The following CFAP77 variants were observed in gnomAD, a reference collection of about 807,000 sequenced individuals.
CFAP77 encodes the protein cilia and flagella associated protein 77.
A neutral mutation model predicts 31.1 loss-of-function variants in CFAP77; 25 were observed. The ratio of observed to expected loss-of-function variants is 0.80; its 90% CI spans 0.59 to 1.12. The LOEUF (loss-of-function observed/expected upper bound fraction) is 1.12, where lower values mean the gene tolerates loss of function less well. Ranked by LOEUF, CFAP77 falls within the 50% of genes most tolerant of loss-of-function variation. The pLI, the probability that CFAP77 is intolerant of heterozygous loss-of-function variation, is 0.00. For missense variants in CFAP77, 377 were observed against 397.3 expected (o/e 0.95, Z 0.44); for synonymous variants, 151 against 159.9 (o/e 0.94, Z 0.42).
At chr9:132,435,823 T>TTTGGTG (rs1850496437) in intron 1 of CFAP77, among the ~76,000 whole-genome samples, 1 of 152,198 alleles carries the variant, frequency 6.6e-6, no homozygotes, top group Non-Finnish European at 1.5e-5. Context: ...TTCTAGAATG[T>TTTGGTG]TTGGTGATGT....
intron 1 of CFAP77, among the ~76,000 whole-genome samples, chr9:132,489,455 G>A (rs557455063): frequency 6.6e-6 from 1 of 152,306 alleles, no homozygotes; most frequent in East Asian, 1.9e-4. Context: ...TGTTGGACAA[G>A]TGTGAACCTC....
intron 5 of CFAP77, among the ~76,000 whole-genome samples, chr9:132,550,532 T>A (rs1852806761): frequency 6.8e-6 from 1 of 147,312 alleles, no homozygotes; most frequent in Non-Finnish European, 1.5e-5. Context: ...TTTTTTTTTT[T>A]TTTTTTTTTT....
intron 1 of CFAP77, among the ~76,000 whole-genome samples, chr9:132,451,338 TAAAA>T (rs34713934): frequency 1.5e-5 from 2 of 131,344 alleles, no homozygotes; most frequent in Admixed American, 7.7e-5. Flanking sequence ...AACTCCATCT[TAAAA>T]AAAAAAAAAA....
At position 132,424,048 on chromosome 9, in the gene CFAP77, C is replaced by T. The variant is rs1381156604; in HGVS notation, c.195+13582C>T. Among the ~76,000 whole-genome samples the T allele has an allele frequency of 6.6e-6, 1 of 152,154 alleles. No homozygotes were observed. Among genetic ancestry groups the T allele is most frequent in the East Asian group, 1.9e-4 (1 of 5,196 alleles). On this transcript the variant is annotated intron_variant, in intron 1 of 5. Transcript: ENST00000393216. This position sits in a 1 kb window ranked among gnomAD's most constrained non-coding sequence, Gnocchi z 4.1. Reference sequence around the variant, plus strand: ...GAAAATTCACATCACACACGTGCACCTACGGCCAGAAGTTGACTGCACAAG... The same window carrying T: ...GAAAATTCACATCACACACGTGCACTTACGGCCAGAAGTTGACTGCACAAG...
At position 132,564,940 on chromosome 9, in the gene CFAP77, G is replaced by A. The variant is rs974107921; in HGVS notation, c.733-7448G>A. ...TCAGCTCTGCCCAGGACTCACGGGAGACCTGGGAGGGTCACTTCTCACCTT... is the reference window on the plus strand; with the variant it reads ...TCAGCTCTGCCCAGGACTCACGGGAAACCTGGGAGGGTCACTTCTCACCTT... On this transcript the variant is annotated intron_variant, in intron 5 of 5. Coordinates refer to ENST00000393216, the MANE Select transcript of CFAP77 (RefSeq NM_001282957.2). This position sits in a 1 kb window ranked among gnomAD's most constrained non-coding sequence, Gnocchi z 4.6. Among the ~76,000 whole-genome samples the A allele has an allele frequency of 1.3e-5, 2 of 152,146 alleles. No homozygotes were observed. Among genetic ancestry groups the A allele is most frequent in the Non-Finnish European group, 2.9e-5 (2 of 68,024 alleles).
chr9:132,543,080 C>T, intron 5 of CFAP77, 33 bp downstream of exon 5: 1 of 1,574,944 alleles, frequency 6.3e-7, no homozygotes. Flanking sequence ...CCCCTCCCTG[C>T]ACCTTGCTGG....
intron 1 of CFAP77, among the ~76,000 whole-genome samples, chr9:132,469,512 C>T (rs923522901): frequency 1.7e-4 from 26 of 152,204 alleles, no homozygotes; most frequent in Admixed American, 9.8e-4. Flanking sequence ...GAAAATACCA[C>T]GGCAGCTGAA....
intron 1 of CFAP77, among the ~76,000 whole-genome samples, chr9:132,483,500 G>A (rs1851486399): frequency 2.6e-5 from 4 of 152,086 alleles, no homozygotes; most frequent in South Asian, 4.2e-4. Flanking sequence ...CGAGGCTGAC[G>A]CGAACTGACA....
intron 1 of CFAP77, among the ~76,000 whole-genome samples, chr9:132,446,672 C>T (rs781140977): frequency 1.9e-4 from 27 of 142,730 alleles, no homozygotes; most frequent in Non-Finnish European, 3.0e-4. Flanking sequence ...ACCCAGGAGG[C>T]GGAGCTTGCA....
chr9:132,428,768 C>T (rs1295201028), intron 1 of CFAP77, among the ~76,000 whole-genome samples: 2 of 152,002 alleles, frequency 1.3e-5, no homozygotes, highest in East Asian at 3.9e-4. Context: ...CTAGGGAACA[C>T]ACCCAGGTCC....
rs371207355 is a variant in CFAP77, at chr9:132,502,408, G to A, written c.524+2808G>A. Among the ~76,000 whole-genome samples, 10 of 151,910 alleles carry A rather than the reference G, an allele frequency of 6.6e-5. No homozygotes were observed. The East Asian group carries it at 9.7e-4, about 15-fold the overall frequency. On this transcript the variant is annotated intron_variant, in intron 3 of 5. Coordinates refer to ENST00000393216, the MANE Select transcript of CFAP77 (RefSeq NM_001282957.2). Reference sequence around the variant, plus strand: ...ATTCAGTGGGAATCATTACATTCACGTCGTTGTGTGACCGTCACCACCATC... The same window carrying A: ...ATTCAGTGGGAATCATTACATTCACATCGTTGTGTGACCGTCACCACCATC...
intron 1 of CFAP77, among the ~76,000 whole-genome samples, chr9:132,451,794 TTC>T (rs1199059327): frequency 2.6e-5 from 4 of 151,120 alleles, no homozygotes; most frequent in Non-Finnish European, 5.9e-5. Flanking sequence ...ATTTTCTTTT[TTC>T]TTTTTCTTTT....
At position 132,499,637 on chromosome 9, in the gene CFAP77, G is replaced by C. The variant is rs764368771; in HGVS notation, c.524+37G>C. The C allele has an allele frequency of 1.2e-5, 19 of 1,586,728 alleles. No individual in the cohort carries two copies. The highest frequency in any genetic ancestry group is 7.7e-5 in the South Asian group (7 of 90,498). ...GGCAGCCAGGGCTTCATCCCTTGAG[G>C]GGGTGGAGGTACCAGCTCAATCAGG... On this transcript the variant is annotated intron_variant, in intron 3 of 5. Transcript: ENST00000393216. The surrounding 1 kb of genome is among the most constrained non-coding windows in gnomAD (Gnocchi z 5.4).
intron 1 of CFAP77, among the ~76,000 whole-genome samples, chr9:132,492,831 C>A (rs2118942874): frequency 6.6e-6 from 1 of 152,252 alleles, no homozygotes; most frequent in African/African-American, 2.4e-5. Context: ...TCCTCTTGGG[C>A]ATTTGCACGT....
Position 132,498,051 on chromosome 9 carries a change from G to A in CFAP77, c.196-644G>A, listed in dbSNP as rs972364603. The stretch of plus-strand genomic sequence containing the variant: ...TGGGTGGTGGCGGCAGGGTGGGGGC[G>A]GCTAATGTGGTTGATGACAGGGCAA... On this transcript the variant is annotated intron_variant, in intron 1 of 5. Coordinates refer to ENST00000393216, the MANE Select transcript of CFAP77 (RefSeq NM_001282957.2). This position sits in a 1 kb window ranked among gnomAD's most constrained non-coding sequence, Gnocchi z 4.2. Among the ~76,000 whole-genome samples, 5 of 152,066 alleles carry A rather than the reference G, an allele frequency of 3.3e-5. No individual in the cohort carries two copies. Among genetic ancestry groups the A allele is most frequent in the African/African-American group, 1.2e-4 (5 of 41,390 alleles).
chr9:132,417,034 C>T (rs890853502), intron 1 of CFAP77, among the ~76,000 whole-genome samples: 5 of 152,108 alleles, frequency 3.3e-5, no homozygotes, highest in Admixed American at 2.0e-4. Flanking sequence ...CCTTCAAGCT[C>T]CTGCATCAGT....
intron 5 of CFAP77, among the ~76,000 whole-genome samples, chr9:132,570,577 A>G (rs917208045): frequency 6.6e-6 from 1 of 152,196 alleles, no homozygotes. Flanking sequence ...ACTGTTTTTT[A>G]TGTAAGCACT....
intron 5 of CFAP77, among the ~76,000 whole-genome samples, chr9:132,547,761 C>T (rs1351707785): frequency 1.3e-5 from 2 of 152,162 alleles, no homozygotes; most frequent in African/African-American, 2.4e-5. Flanking sequence ...GCTTGAAGGG[C>T]GGAAGCCACT....
At chr9:132,547,501 C>T (rs1472083244) in intron 5 of CFAP77, among the ~76,000 whole-genome samples, 1 of 152,194 alleles carries the variant, frequency 6.6e-6, no homozygotes, top group Non-Finnish European at 1.5e-5. Flanking sequence ...TTTCCACATG[C>T]GCCTTCATGC....
Sources: gnomAD v4.1 joint callset for allele counts (sites outside exome capture counted in the v4.1 genomes callset) on GRCh38, gnomAD v4.1.1 for gene constraint, Gnocchi (gnomAD v3.1) non-coding constraint, MANE v1.5 for transcripts, NCBI Gene and HGNC (gene_info 2026-07-23, HGNC 2026-07-21) for gene names.